The following LGR6 variants were observed in gnomAD, a reference collection of about 807,000 sequenced individuals.
LGR6 encodes the protein leucine rich repeat containing G protein-coupled receptor 6.
Under a neutral mutation model 69.4 loss-of-function variants are expected in LGR6, and 45 were observed. That is an observed-to-expected ratio of 0.65 (90% CI 0.51 to 0.83). The LOEUF (loss-of-function observed/expected upper bound fraction) is 0.83, where lower values mean the gene tolerates loss of function less well. LGR6 is among the 40% of genes least tolerant of loss of function. The pLI is 0.00. For synonymous variants in LGR6, 538 were observed against 555.0 expected, an observed-to-expected ratio of 0.97 and a Z score of 0.43; for missense variants, 1,108 against 1,246.7, an observed-to-expected ratio of 0.89 and a Z score of 1.68.
At chr1:202,204,750 C>G (rs796130244) in intron 1 of LGR6, among the ~76,000 whole-genome samples, 73 of 24,146 alleles carry the variant, frequency 3.0e-3, no homozygotes, top group African/African-American at 4.6e-3. Context: ...CACCTCCAAA[C>G]ACACACACAC....
At chr1:202,259,652 A>G (rs1664059600) in intron 4 of LGR6, among the ~76,000 whole-genome samples, 1 of 151,916 alleles carries the variant, frequency 6.6e-6, no homozygotes, top group African/African-American at 2.4e-5. Context: ...TGATGTTTCC[A>G]TTGTTCTCCT....
chr1:202,205,225 C>T (rs138635163), intron 1 of LGR6, among the ~76,000 whole-genome samples: 90 of 33,452 alleles, frequency 2.7e-3, no homozygotes, highest in Non-Finnish European at 4.0e-3. Context: ...CACACACCCT[C>T]CAAACACACA....
intron 5 of LGR6, among the ~76,000 whole-genome samples, chr1:202,280,237 C>T (rs1665900914): frequency 6.6e-6 from 1 of 152,130 alleles, no homozygotes; most frequent in Admixed American, 6.5e-5. Context: ...CTTCAAGGCC[C>T]TGCTCTGGAT....
intron 4 of LGR6, among the ~76,000 whole-genome samples, chr1:202,239,344 GGTGTGTGT>G (rs36157781): frequency 0.063 from 9,080 of 144,178 alleles, 316 homozygotes; most frequent in East Asian, 0.09. Context: ...GTGTGTGTGT[GGTGTGTGT>G]GTGTGTGTGT....
chr1:202,203,901 C>G, intron 1 of LGR6: 1 of 1,559,536 alleles, frequency 6.4e-7, no homozygotes, highest in Non-Finnish European at 8.8e-7. Context: ...AAGCAAGATC[C>G]TCCTTGGGGG....
intron 4 of LGR6, among the ~76,000 whole-genome samples, chr1:202,240,838 C>T (rs1473105307): frequency 6.6e-6 from 1 of 152,170 alleles, no homozygotes; most frequent in Admixed American, 6.5e-5. Flanking sequence ...TCATTCCATA[C>T]CTCTGACCTT....
intron 4 of LGR6, among the ~76,000 whole-genome samples, chr1:202,275,183 G>T (rs1337401432): frequency 1.3e-5 from 2 of 152,214 alleles, no homozygotes; most frequent in African/African-American, 4.8e-5. Context: ...TAAGGCTGGG[G>T]TTTCCATGGC....
At chr1:202,245,558 G>C (rs561502126) in intron 4 of LGR6, among the ~76,000 whole-genome samples, 2 of 152,176 alleles carry the variant, frequency 1.3e-5, no homozygotes, top group Non-Finnish European at 2.9e-5. Context: ...TGGTGCTAGG[G>C]CTTTCTTGGG....
intron 4 of LGR6, among the ~76,000 whole-genome samples, chr1:202,273,745 C>T (rs552016801): frequency 5.1e-4 from 77 of 152,214 alleles, no homozygotes; most frequent in Middle Eastern, 3.4e-3. Context: ...CGTGAGCTAC[C>T]GTGCCCGGTC....
At chr1:202,239,636 C>T (rs748574589) in intron 4 of LGR6, among the ~76,000 whole-genome samples, 1 of 152,070 alleles carries the variant, frequency 6.6e-6, no homozygotes, top group Non-Finnish European at 1.5e-5. Context: ...TAAACCAAGG[C>T]AGCATGTTAG....
At chr1:202,275,620 C>A (rs1266913400) in intron 4 of LGR6, among the ~76,000 whole-genome samples, 1 of 152,080 alleles carries the variant, frequency 6.6e-6, no homozygotes, top group African/African-American at 2.4e-5. Context: ...AGCAAGAAGC[C>A]CCAGGACTTT....
At chr1:202,256,444 T>C (rs1663781543) in intron 4 of LGR6, among the ~76,000 whole-genome samples, 1 of 152,178 alleles carries the variant, frequency 6.6e-6, no homozygotes, top group African/African-American at 2.4e-5. Context: ...GGTTTCACCA[T>C]GTTGGCCAGG....
intron 1 of LGR6, among the ~76,000 whole-genome samples, chr1:202,205,146 A>G (rs1439796624): frequency 1.2e-5 from 1 of 84,640 alleles, no homozygotes; most frequent in Admixed American, 1.8e-4. Flanking sequence ...ACACACACAC[A>G]CCTCCACACA....
chr1:202,214,223 G>C, intron 1 of LGR6: 1 of 1,542,078 alleles, frequency 6.5e-7, no homozygotes, highest in African/African-American at 1.4e-5. Flanking sequence ...GGAGTGCACG[G>C]CGCGGTGCGC....
chr1:202,204,459 A>ACG (rs1553238113), intron 1 of LGR6, among the ~76,000 whole-genome samples: 1 of 50,370 alleles, frequency 2.0e-5, no homozygotes, highest in Non-Finnish European at 3.7e-5. Context: ...ACACACACAC[A>ACG]CCTCCACACA....
At chr1:202,235,789 T>C in intron 3 of LGR6, 133 bp from the exon 4 acceptor site, 1 of 707,776 alleles carries the variant, frequency 1.4e-6, no homozygotes, top group South Asian at 1.7e-5. Flanking sequence ...GACCAGACTC[T>C]CTCTGGGGCT....
At chr1:202,273,733 G>A (rs1274562250) in intron 4 of LGR6, among the ~76,000 whole-genome samples, 2 of 152,128 alleles carry the variant, frequency 1.3e-5, no homozygotes, top group East Asian at 3.9e-4. Context: ...TGGGATTACA[G>A]GCGTGAGCTA....
chr1:202,225,555 C>G (rs1173334510), intron 2 of LGR6, 61 bp downstream of exon 2: 1 of 1,439,864 alleles, frequency 6.9e-7, no homozygotes, highest in African/African-American at 1.4e-5. Flanking sequence ...TCTCTGGAAC[C>G]AGAGCTCCCC....
At position 202,318,939 on chromosome 1, in the gene LGR6, T is replaced by C. The variant is rs1654406224; in HGVS notation, c.2636T>C (p.Ile879Thr). 6.2e-7 allele frequency: 1 copy of C among 1,613,774 alleles called. No individual in the cohort carries two copies. The highest frequency in any genetic ancestry group is 8.5e-7 in the Non-Finnish European group (1 of 1,179,900). ...GTAGCCTTCTCTGATGTGGATCTCA[T>C]TCTGGAAGCTTCTGAAGCTGGGCGG... ...ALVAFSDVDL[I>T]LEASEAGRPP... Residue 879 changes from isoleucine to threonine, a missense_variant, in exon 18 of 18, where the codon ATT (isoleucine) becomes ACT (threonine). Transcript: ENST00000367278.
Sources: allele counts gnomAD v4.1 joint callset (sites outside exome capture counted in the v4.1 genomes callset), GRCh38; gene constraint gnomAD v4.1.1; transcripts MANE v1.5; gene names NCBI Gene and HGNC (gene_info 2026-07-23, HGNC 2026-07-21).